MAMLD1: variants seen among roughly 807,000 people sequenced by gnomAD.
MAMLD1 encodes mastermind like domain containing 1, also known as mastermind-like domain-containing protein 1.
In MAMLD1, 14 loss-of-function variants were observed where a neutral mutation model predicts 45.0. The observed-to-expected ratio is 0.31, with a 90% confidence interval of 0.21 to 0.49. The LOEUF (loss-of-function observed/expected upper bound fraction) is 0.49. Ranked by LOEUF, MAMLD1 falls within the 20% of genes least tolerant of loss-of-function variation. The pLI, the probability that MAMLD1 is intolerant of heterozygous loss-of-function variation, is 0.99. For missense variants in MAMLD1, 543 were observed against 603.6 expected (o/e 0.90, Z 1.05); for synonymous variants, 254 against 247.8 (o/e 1.02, Z -0.24).
intron 1 of MAMLD1, among the ~76,000 whole-genome samples, chrX:150,406,807 C>T (rs2124529781): frequency 9.0e-6 from 1 of 111,292 alleles, no homozygotes; most frequent in African/African-American, 3.3e-5. Context: ...CCCTGCCCCT[C>T]CTTCATTTGC....
intron 1 of MAMLD1, among the ~76,000 whole-genome samples, chrX:150,415,726 A>G (rs1323643910): frequency 8.9e-6 from 1 of 112,355 alleles, no homozygotes; most frequent in Non-Finnish European, 1.9e-5. Flanking sequence ...GGTCTGAAAC[A>G]TGTTAAAGTA....
intron 1 of MAMLD1, among the ~76,000 whole-genome samples, chrX:150,373,316 T>G (rs1389739264): frequency 8.9e-6 from 1 of 111,780 alleles, no homozygotes; most frequent in East Asian, 2.8e-4. Flanking sequence ...GACTGCATTC[T>G]CAGGCCCTGG....
chrX:150,378,554 G>A (rs1370972027), intron 1 of MAMLD1, among the ~76,000 whole-genome samples: 3 of 111,522 alleles, frequency 2.7e-5, no homozygotes, highest in African/African-American at 9.8e-5. Flanking sequence ...CTGTGCCTGG[G>A]GCAAGATGGT....
intron 4 of MAMLD1, among the ~76,000 whole-genome samples, chrX:150,472,744 C>T (rs1557406633): frequency 8.9e-6 from 1 of 111,891 alleles, no homozygotes; most frequent in Non-Finnish European, 1.9e-5. Flanking sequence ...TAACATCCCA[C>T]CACTTTTGCT....
upstream of MAMLD1, chrX:150,362,696 G>A (rs2031076032): frequency 8.9e-6 from 1 of 111,927 alleles, no homozygotes; most frequent in Admixed American, 9.3e-5. Flanking sequence ...TTCCCCAGAC[G>A]CGGAAAGTCT....
At chrX:150,398,296 G>GAAC (rs1569564559) in intron 1 of MAMLD1, among the ~76,000 whole-genome samples, 36 of 90,416 alleles carry the variant, frequency 4.0e-4, no homozygotes, top group African/African-American at 1.4e-3. Flanking sequence ...AGAAGAAGAA[G>GAAC]AAGAAGAAGA....
At chrX:150,491,178 C>T (rs1209028) in intron 5 of MAMLD1, among the ~76,000 whole-genome samples, 11,232 of 110,983 alleles carry the variant, frequency 0.1, 484 homozygotes, top group Admixed American at 0.18. Context: ...CAGTGGGCTC[C>T]GTTGTTATTC....
chrX:150,408,635 A>G (rs143458556), intron 1 of MAMLD1, among the ~76,000 whole-genome samples: 1,930 of 112,216 alleles, frequency 0.017, 46 homozygotes, highest in African/African-American at 0.059. Flanking sequence ...GAGTTTACTG[A>G]TTATGCAGCC....
chrX:150,403,989 AAAGAAAGAAGAAAGGAAGG>A (rs1411515184), intron 1 of MAMLD1, among the ~76,000 whole-genome samples: 10 of 92,633 alleles, frequency 1.1e-4, no homozygotes, highest in African/African-American at 4.0e-4. Context: ...AGAAAGAAAG[AAAGAAAGAAGAAAGGAAGG>A]AAGAAAGAAG....
chrX:150,402,583 A>G (rs1557402480), intron 1 of MAMLD1, among the ~76,000 whole-genome samples: 1 of 112,094 alleles, frequency 8.9e-6, no homozygotes, highest in East Asian at 2.8e-4. Context: ...TATATACCCA[A>G]AGGACTATAA....
chrX:150,468,978 A>AGTGTGTGTGTGAGAGTGTGT (rs1557406114), intron 3 of MAMLD1, among the ~76,000 whole-genome samples: 3 of 100,693 alleles, frequency 3.0e-5, no homozygotes, highest in Non-Finnish European at 6.0e-5. Context: ...AATGTGTGAG[A>AGTGTGTGTGTGAGAGTGTGT]GTGTGTGTGT....
chrX:150,494,170 C>T (rs1007199582), intron 5 of MAMLD1, among the ~76,000 whole-genome samples: 2 of 111,093 alleles, frequency 1.8e-5, no homozygotes, highest in African/African-American at 3.3e-5. Context: ...CCAAGGAGGG[C>T]GGATCACGAG....
Position 150,412,705 on chromosome X carries a change from G to GT in MAMLD1, c.-63-32742dup, listed in dbSNP as rs1388454744. Among the ~76,000 whole-genome samples the GT allele has an allele frequency of 4.1e-3, 448 of 108,924 alleles. 1 individual carries two copies. Among genetic ancestry groups the GT allele is most frequent in the Non-Finnish European group, 6.1e-3 (317 of 52,269 alleles). 94.6% of individuals were successfully genotyped at this position (108,924 alleles called of 115,157 possible). A position where few individuals can be genotyped will look rare whatever the true frequency, so the allele number is the denominator to read the frequency against. On this transcript the variant is annotated intron_variant, in intron 1 of 7. Coordinates refer to ENST00000370401, the MANE Select transcript of MAMLD1 (RefSeq NM_005491.5). Reference sequence around the variant, plus strand: ...TAAACAGCCTTACGAGTTTTTGTTTGTTTTTTTGTTTGTTTGTTTTTTTTA... The same window carrying GT: ...TAAACAGCCTTACGAGTTTTTGTTTGTTTTTTTTGTTTGTTTGTTTTTTTTA...
rs2036408335 is a variant in MAMLD1, at chrX:150,471,090, T to C, written c.1517T>C (p.Ile506Thr). The change falls in exon 4 of 8, where the codon ATC (isoleucine) becomes ACC (threonine). Residue 506 changes from isoleucine to threonine, a missense_variant. Ile to Thr is a moderately conservative substitution (Grantham distance 89). Coordinates refer to ENST00000370401, the MANE Select transcript of MAMLD1 (RefSeq NM_005491.5). ...CAGCAGCAGCAGCAAGCAAATGTGA[T>C]CTTTAAGCCCATAAGCAGCAACTCA... Reference protein sequence around the residue: ...QQQQQQQANVIFKPISSNSSK... With the variant: ...QQQQQQQANVTFKPISSNSSK... 1.7e-6 allele frequency: 2 copies of C among 1,209,052 alleles called. No homozygotes were observed. Among genetic ancestry groups the C allele is most frequent in the Non-Finnish European group, 2.2e-6 (2 of 894,876 alleles).
chrX:150,403,953 A>AC (rs2033906570), intron 1 of MAMLD1, among the ~76,000 whole-genome samples: 1 of 78,352 alleles, frequency 1.3e-5, no homozygotes, highest in Non-Finnish European at 2.5e-5. Context: ...AGAAAGAAAG[A>AC]AAGAAAGAAA....
At chrX:150,447,726 T>C (rs2035536478) in intron 2 of MAMLD1, among the ~76,000 whole-genome samples, 2 of 111,448 alleles carry the variant, frequency 1.8e-5, no homozygotes, top group African/African-American at 6.5e-5. Context: ...TTGCAAGAGC[T>C]GGGCTTGCAT....
intron 1 of MAMLD1, among the ~76,000 whole-genome samples, chrX:150,422,696 C>T (rs903440248): frequency 8.9e-6 from 1 of 112,221 alleles, no homozygotes; most frequent in East Asian, 2.8e-4. Context: ...GGATTACAGA[C>T]GTGAGCCACT....
chrX:150,377,332 C>T (rs1482374197), intron 1 of MAMLD1, among the ~76,000 whole-genome samples: 1 of 113,245 alleles, frequency 8.8e-6, no homozygotes, highest in African/African-American at 3.2e-5. Flanking sequence ...CCTAAAGGGG[C>T]TTTGTGGAAT....
At chrX:150,382,362 T>C (rs1351024077) in intron 1 of MAMLD1, among the ~76,000 whole-genome samples, 1 of 111,783 alleles carries the variant, frequency 8.9e-6, no homozygotes, top group Non-Finnish European at 1.9e-5. Context: ...CCTCTGCCAA[T>C]ACCACACAGT....
Sources: allele counts gnomAD v4.1 joint callset (sites outside exome capture counted in the v4.1 genomes callset), GRCh38; gene constraint gnomAD v4.1.1; transcripts MANE v1.5; gene names NCBI Gene and HGNC (gene_info 2026-07-23, HGNC 2026-07-21).